The following DDX39A variants were observed in gnomAD, a reference collection of about 807,000 sequenced individuals.
DDX39A encodes ATP-dependent RNA helicase DDX39A.
Under a neutral mutation model 46.3 loss-of-function variants are expected in DDX39A, and 13 were observed. The ratio of observed to expected loss-of-function variants is 0.28; its 90% CI spans 0.18 to 0.45. The LOEUF (loss-of-function observed/expected upper bound fraction) is 0.45, where lower values mean the gene tolerates loss of function less well. Ranked by LOEUF, DDX39A falls within the 20% of genes least tolerant of loss-of-function variation. DDX39A has a pLI of 1.00. For synonymous variants in DDX39A, 234 were observed against 224.6 expected (o/e 1.04, Z -0.38); for missense variants, 352 against 581.8 (o/e 0.61, Z 4.06).
Position 14,412,903 on chromosome 19 carries a change from G to T in DDX39A, c.208+110C>A. The T allele has an allele frequency of 7.4e-7, 1 of 1,350,760 alleles. No individual in the cohort carries two copies. Among genetic ancestry groups the T allele is most frequent in the South Asian group, 1.4e-5 (1 of 73,008 alleles). The allele number at this position is 1,350,760 out of a possible 1,614,324, so 83.7% of individuals were successfully genotyped here. A position where few individuals can be genotyped will look rare whatever the true frequency, so the allele number is the denominator to read the frequency against. ...GGCACAACTGATCCGCGGGACAGAC[G>T]GGCCCCTCCCTCACCCACGGCAAAC... is the stretch of plus-strand genomic sequence containing the variant. On this transcript the variant is annotated intron_variant, in intron 2 of 10. Coordinates refer to ENST00000242776, the MANE Select transcript of DDX39A (RefSeq NM_005804.4). The surrounding 1 kb of genome is among the most constrained non-coding windows in gnomAD (Gnocchi z 4.4).
At chr19:14,414,671 C>G (rs1282007124) in intron 1 of DDX39A, among the ~76,000 whole-genome samples, 1 of 148,060 alleles carries the variant, frequency 6.8e-6, no homozygotes, top group Non-Finnish European at 1.5e-5. Context: ...TTAACTAGAA[C>G]AGCTTTACAG....
chr19:14,410,546 A>G lies in DDX39A; in HGVS notation c.614-212T>C. 1 of 582,868 alleles carries G rather than the reference A, an allele frequency of 1.7e-6. No individual in the cohort carries two copies. The highest frequency in any genetic ancestry group is 3.1e-6 in the Non-Finnish European group (1 of 323,506). The allele number at this position is 582,868 out of a possible 1,614,324, so 36.1% of individuals were successfully genotyped here. The stretch of plus-strand genomic sequence containing the variant: ...GCGCGGGAGGAGCTGCAATCCACTT[A>G]CACGCTGGCGCGGAGCAGCCGTGCC... On this transcript the variant is annotated intron_variant, in intron 5 of 10. Transcript: ENST00000242776. The surrounding 1 kb of genome is among the most constrained non-coding windows in gnomAD (Gnocchi z 4.3).
chr19:14,409,579 A>C lies in DDX39A; in HGVS notation c.931T>G (p.Phe311Val), dbSNP rs146936895. 1 of 1,611,504 alleles carries C rather than the reference A, an allele frequency of 6.2e-7. No individual in the cohort carries two copies. The highest frequency in any genetic ancestry group is 8.5e-7 in the Non-Finnish European group (1 of 1,179,312). ...ALAQLLVEQN[F>V]PAIAIHRGMA... ...CCCCGGTGGATGGCGATGGCCGGGA[A>C]GTTCTGCTCCACGAGGAGCTGGGCC... The change falls in exon 8 of 11, where the codon TTC (phenylalanine) becomes GTC (valine). Residue 311 changes from phenylalanine (F) to valine (V), a missense_variant. Around this residue, in one of 3 missense-constraint regions of DDX39A, gnomAD observed 301 missense variants for 469.9 expected, o/e 0.64. Transcript: ENST00000242776. This position sits in a 1 kb window ranked among gnomAD's most constrained non-coding sequence, Gnocchi z 8.3.
chr19:14,410,113 G>A lies in DDX39A; in HGVS notation c.732+103C>T. On this transcript the variant is annotated intron_variant, in intron 6 of 10. Coordinates refer to ENST00000242776, the MANE Select transcript of DDX39A (RefSeq NM_005804.4). The surrounding 1 kb of genome is among the most constrained non-coding windows in gnomAD (Gnocchi z 4.3). The stretch of plus-strand genomic sequence containing the variant: ...GGAAAGGAGGCTCCGCCGGCTCCCA[G>A]CATCCCAGCATCCTCCGTGCCATGT... The A allele has an allele frequency of 8.5e-7, 1 of 1,169,782 alleles. No individual in the cohort carries two copies. The highest frequency in any genetic ancestry group is 1.2e-5 in the South Asian group (1 of 81,330). 72.5% of individuals were successfully genotyped at this position (1,169,782 alleles called of 1,614,324 possible).
rs1976649226 is a variant in DDX39A, at chr19:14,412,843, C to T, written c.209-165G>A. The T allele has an allele frequency of 5.6e-6, 7 of 1,252,168 alleles. No individual in the cohort carries two copies. Among genetic ancestry groups the T allele is most frequent in the African/African-American group, 1.5e-5 (1 of 66,372 alleles). 77.6% of individuals were successfully genotyped at this position (1,252,168 alleles called of 1,614,324 possible). A position where few individuals can be genotyped will look rare whatever the true frequency, so the allele number is the denominator to read the frequency against. ...GGGTATCCGCCTGGTCAAAGCAGAA[C>T]GCCCCACTGCCGAGGGCAGCCACAG... is the stretch of plus-strand genomic sequence containing the variant. On this transcript the variant is annotated intron_variant, in intron 2 of 10. Transcript: ENST00000242776. The surrounding 1 kb of genome is among the most constrained non-coding windows in gnomAD (Gnocchi z 4.4).
intron 1 of DDX39A, among the ~76,000 whole-genome samples, chr19:14,415,446 T>C (rs1202508473): frequency 6.6e-6 from 1 of 151,896 alleles, no homozygotes; most frequent in African/African-American, 2.4e-5. Flanking sequence ...AGGAGCTACA[T>C]GCGCCCGCCA....
intron 1 of DDX39A, chr19:14,419,034 C>T: frequency 2.2e-6 from 1 of 454,382 alleles, no homozygotes; most frequent in Non-Finnish European, 4.4e-6. Context: ...ACAGCCCCTC[C>T]GAGAAGCGGG....
chr19:14,411,432 C>T lies in DDX39A; in HGVS notation c.429+74G>A. On this transcript the variant is annotated intron_variant, in intron 4 of 10. Coordinates refer to ENST00000242776, the MANE Select transcript of DDX39A (RefSeq NM_005804.4). The surrounding 1 kb of genome is among the most constrained non-coding windows in gnomAD (Gnocchi z 4.1). The stretch of plus-strand genomic sequence containing the variant: ...CCCTGCCAAGCTTGGTAAATGCTGG[C>T]TGGGCCAGAGCCGAGGCTAACAAAG... 3 of 1,443,062 alleles carry T rather than the reference C, an allele frequency of 2.1e-6. No individual in the cohort carries two copies. The highest frequency in any genetic ancestry group is 2.9e-6 in the Non-Finnish European group (3 of 1,027,890). 89.4% of individuals were successfully genotyped at this position (1,443,062 alleles called of 1,614,324 possible).
chr19:14,414,897 G>A (rs1198803991), intron 1 of DDX39A, among the ~76,000 whole-genome samples: 2 of 149,318 alleles, frequency 1.3e-5, no homozygotes, highest in African/African-American at 2.5e-5. Flanking sequence ...CCTGGGAGGC[G>A]GAGGTTGTGA....
In DDX39A at chr19:14,409,389, G is replaced by C. The variant is rs1321465882; in HGVS notation, c.1033C>G (p.Leu345Val). The change falls in exon 9 of 11, where the codon CTG becomes GTG. Residue 345 changes from leucine (L) to valine (V), a missense_variant. Leu to Val is a conservative substitution (Grantham distance 32, BLOSUM62 1). Around this residue, in one of 3 missense-constraint regions of DDX39A, gnomAD observed 301 missense variants for 469.9 expected, o/e 0.64. Transcript: ENST00000242776. The surrounding 1 kb of genome is among the most constrained non-coding windows in gnomAD (Gnocchi z 8.3). ...FQRRILVATN[L>V]FGRGMDIERV... The stretch of plus-strand genomic sequence containing the variant: ...TCGATGTCCATCCCCCGGCCAAACA[G>C]ATTGGTGGCCACCAGGATCCGCCGC... The C allele has an allele frequency of 6.2e-7, 1 of 1,614,232 alleles. No homozygotes were observed. Among genetic ancestry groups the C allele is most frequent in the Non-Finnish European group, 8.5e-7 (1 of 1,180,040 alleles).
In DDX39A at chr19:14,411,731, G is replaced by A. The variant is rs1269008195; in HGVS notation, c.337-133C>T. On this transcript the variant is annotated intron_variant, in intron 3 of 10. Coordinates refer to ENST00000242776, the MANE Select transcript of DDX39A (RefSeq NM_005804.4). The surrounding 1 kb of genome is among the most constrained non-coding windows in gnomAD (Gnocchi z 4.1). ...GGCCATTTGAAGGCCCGGTCCAAAT[G>A]CCTCCCACTTCTCACGGCCCTTCCC... is the stretch of plus-strand genomic sequence containing the variant. The A allele has an allele frequency of 2.8e-6, 2 of 725,610 alleles. No individual in the cohort carries two copies. Among genetic ancestry groups the A allele is most frequent in the Non-Finnish European group, 4.7e-6 (2 of 421,348 alleles). The allele number at this position is 725,610 out of a possible 1,614,324, so 44.9% of individuals were successfully genotyped here.
At position 14,411,327 on chromosome 19, in the gene DDX39A, T is replaced by C; in HGVS notation, c.430-155A>G. The C allele has an allele frequency of 1.9e-6, 2 of 1,036,580 alleles. No individual in the cohort carries two copies. Among genetic ancestry groups the C allele is most frequent in the Non-Finnish European group, 2.8e-6 (2 of 716,202 alleles). 64.2% of individuals were successfully genotyped at this position (1,036,580 alleles called of 1,614,324 possible). A position where few individuals can be genotyped will look rare whatever the true frequency, so the allele number is the denominator to read the frequency against. On this transcript the variant is annotated intron_variant, in intron 4 of 10. Transcript: ENST00000242776. This position sits in a 1 kb window ranked among gnomAD's most constrained non-coding sequence, Gnocchi z 4.1. ...TCAAAGGCAGCCCCAGGCTGGGACCTGCGCAGGCCCCTGGGAGCCATGCAT... is the reference window on the plus strand; with the variant it reads ...TCAAAGGCAGCCCCAGGCTGGGACCCGCGCAGGCCCCTGGGAGCCATGCAT...
chr19:14,410,474 G>C lies in DDX39A; in HGVS notation c.614-140C>G. On this transcript the variant is annotated intron_variant, in intron 5 of 10. Coordinates refer to ENST00000242776, the MANE Select transcript of DDX39A (RefSeq NM_005804.4). The surrounding 1 kb of genome is among the most constrained non-coding windows in gnomAD (Gnocchi z 4.3). ...CGAGGGCAGAGTGAGCCGCGGGAGT[G>C]GCCAGTCCTGGTGCCTGAGGGGCTG... is the stretch of plus-strand genomic sequence containing the variant. 1.4e-6 allele frequency: 1 copy of C among 723,210 alleles called. No individual in the cohort carries two copies. Among genetic ancestry groups the C allele is most frequent in the South Asian group, 1.6e-5 (1 of 62,112 alleles). The allele number at this position is 723,210 out of a possible 1,614,324, so 44.8% of individuals were successfully genotyped here. A position where few individuals can be genotyped will look rare whatever the true frequency, so the allele number is the denominator to read the frequency against.
intron 1 of DDX39A, among the ~76,000 whole-genome samples, chr19:14,414,792 C>T (rs1050288096): frequency 6.6e-5 from 10 of 150,932 alleles, no homozygotes; most frequent in African/African-American, 2.2e-4. Flanking sequence ...GGTGAAACCC[C>T]AACTCTACTA....
intron 1 of DDX39A, among the ~76,000 whole-genome samples, chr19:14,418,369 C>T (rs1324114147): frequency 6.6e-6 from 1 of 152,182 alleles, no homozygotes; most frequent in Non-Finnish European, 1.5e-5. Context: ...GCCACGTGTA[C>T]CCAGTTACCC....
chr19:14,409,151 G>C lies in DDX39A; in HGVS notation c.1153C>G (p.Leu385Val). 6.2e-7 allele frequency: 1 copy of C among 1,613,256 alleles called. No individual in the cohort carries two copies. The highest frequency in any genetic ancestry group is 8.5e-7 in the Non-Finnish European group (1 of 1,179,998). The change falls in exon 10 of 11, where the codon CTA becomes GTA. Residue 385 changes from leucine to valine, a missense_variant. By Grantham distance (32) the Leu-to-Val change is conservative (BLOSUM62 1). This residue lies in a region of DDX39A where 301 missense variants were observed against 469.9 expected (regional missense o/e 0.64). Transcript: ENST00000242776. The surrounding 1 kb of genome is among the most constrained non-coding windows in gnomAD (Gnocchi z 8.3). ...TCGTCAGACACAAAAGTGATGGCTA[G>C]GCCTTTGGTGCCAAAGCGACCCGCC... ...ARAGRFGTKG[L>V]AITFVSDEND...
rs1170875615 is a variant in DDX39A, at chr19:14,410,411, C to T, written c.614-77G>A. 3 of 1,286,550 alleles carry T rather than the reference C, an allele frequency of 2.3e-6. No individual in the cohort carries two copies. Among genetic ancestry groups the T allele is most frequent in the Non-Finnish European group, 3.4e-6 (3 of 890,580 alleles). 79.7% of individuals were successfully genotyped at this position (1,286,550 alleles called of 1,614,324 possible). A position where few individuals can be genotyped will look rare whatever the true frequency, so the allele number is the denominator to read the frequency against. On this transcript the variant is annotated intron_variant, in intron 5 of 10. Coordinates refer to ENST00000242776, the MANE Select transcript of DDX39A (RefSeq NM_005804.4). The surrounding 1 kb of genome is among the most constrained non-coding windows in gnomAD (Gnocchi z 4.3). ...CCCCCACCCCAGACCAGACCCAGACCCCTCCCAACCTGTGCCAGGGAGCCA... is the reference window on the plus strand; with the variant it reads ...CCCCCACCCCAGACCAGACCCAGACTCCTCCCAACCTGTGCCAGGGAGCCA...
intron 1 of DDX39A, among the ~76,000 whole-genome samples, chr19:14,418,467 GT>G (rs551565696): frequency 6.6e-6 from 1 of 151,680 alleles, no homozygotes; most frequent in Non-Finnish European, 1.5e-5. Flanking sequence ...TTTTCATTCT[GT>G]TTTTTTTGAG....
Position 14,410,438 on chromosome 19 carries a change from T to A in DDX39A, c.614-104A>T. 1 of 1,012,048 alleles carries A rather than the reference T, an allele frequency of 9.9e-7. No individual in the cohort carries two copies. The highest frequency in any genetic ancestry group is 1.5e-6 in the Non-Finnish European group (1 of 653,106). The allele number at this position is 1,012,048 out of a possible 1,614,324, so 62.7% of individuals were successfully genotyped here. On this transcript the variant is annotated intron_variant, in intron 5 of 10. Transcript: ENST00000242776. The surrounding 1 kb of genome is among the most constrained non-coding windows in gnomAD (Gnocchi z 4.3). ...CTCCCAACCTGTGCCAGGGAGCCAG[T>A]GGCACCGTGACGAGGGCAGAGTGAG...
Sources: allele counts gnomAD v4.1 joint callset (sites outside exome capture counted in the v4.1 genomes callset), GRCh38; gene constraint gnomAD v4.1.1; regional missense constraint gnomAD v4.1.1; non-coding constraint Gnocchi (gnomAD v3.1); transcripts MANE v1.5; gene names NCBI Gene and HGNC (gene_info 2026-07-23, HGNC 2026-07-21).